CCDC125: variants seen among roughly 807,000 people sequenced by gnomAD.
CCDC125 encodes the protein coiled-coil domain-containing protein 125.
Under a neutral mutation model 57.4 loss-of-function variants are expected in CCDC125, and 43 were observed. The observed-to-expected ratio is 0.75, with a 90% confidence interval of 0.59 to 0.97. The LOEUF (loss-of-function observed/expected upper bound fraction) is 0.97. Among genes scored for constraint, CCDC125 ranks in the 50% least tolerant of loss-of-function variants. CCDC125 has a pLI of 0.00. For synonymous variants in CCDC125, 187 were observed against 195.2 expected, an observed-to-expected ratio of 0.96 and a Z score of 0.35; for missense variants, 563 against 595.7, an observed-to-expected ratio of 0.95 and a Z score of 0.57.
rs559095595 is a variant in CCDC125, at chr5:69,322,211, G to A, written c.-40-1631C>T. ...TGTTGCCCAGGCTGGTCTCCAACTC[G>A]TGGGCTCAAGTGATTCTCCCAGTTC... On this transcript the variant is annotated intron_variant, in intron 1 of 11. Coordinates refer to ENST00000396496, the MANE Select transcript of CCDC125 (RefSeq NM_176816.5). Among the ~76,000 whole-genome samples the A allele has an allele frequency of 3.3e-5, 5 of 151,556 alleles. No homozygotes were observed. In the East Asian group the frequency reaches 5.9e-4, roughly 18 times the overall value.
chr5:69,279,495 C>T (rs138118536), downstream of CCDC125, among the ~76,000 whole-genome samples: 3 of 152,290 alleles, frequency 2.0e-5, no homozygotes, highest in Middle Eastern at 3.4e-3. Context: ...CGTGCCCGGC[C>T]GCTCATGCAG....
chr5:69,304,907 A>T (rs1176889409), intron 6 of CCDC125, among the ~76,000 whole-genome samples: 1 of 152,194 alleles, frequency 6.6e-6, no homozygotes, highest in Admixed American at 6.6e-5. Flanking sequence ...TCGGGTAATA[A>T]TGATGTATCA....
downstream of CCDC125, chr5:69,277,154 T>C (rs748475019): frequency 2.6e-5 from 41 of 1,580,660 alleles, no homozygotes; most frequent in Non-Finnish European, 3.2e-5. Context: ...CTGGACAACA[T>C]TTTACTACTG....
intron 4 of CCDC125, 66 bp from the exon 5 acceptor site, chr5:69,308,094 G>T: frequency 9.0e-7 from 1 of 1,108,568 alleles, no homozygotes. Flanking sequence ...ACATCATGAA[G>T]TTCTCTTTTA....
At chr5:69,292,008 A>G (rs937718408) in intron 10 of CCDC125, among the ~76,000 whole-genome samples, 180 bp downstream of exon 10, 35 of 152,236 alleles carry the variant, frequency 2.3e-4, no homozygotes, top group African/African-American at 8.4e-4. Flanking sequence ...GTTCACCTGC[A>G]CATGTAATAT....
chr5:69,313,650 A>G, intron 3 of CCDC125: 1 of 745,494 alleles, frequency 1.3e-6, no homozygotes, highest in Non-Finnish European at 2.5e-6. Context: ...ATCCGGTAGC[A>G]TCTTGACAAA....
chr5:69,328,338 A>G (rs1452011074), intron 1 of CCDC125, among the ~76,000 whole-genome samples: 2 of 152,224 alleles, frequency 1.3e-5, no homozygotes. Flanking sequence ...CAATAAAGAA[A>G]TAGTTAAATC....
intron 5 of CCDC125, 196 bp downstream of exon 5, chr5:69,307,755 T>A: frequency 5.6e-6 from 3 of 531,998 alleles, no homozygotes; most frequent in Non-Finnish European, 6.7e-6. Context: ...CATGGGGAAA[T>A]AAAAATAACC....
At chr5:69,276,631 A>G (rs754114729), downstream of CCDC125, 3 of 1,614,164 alleles carry the variant, frequency 1.9e-6, no homozygotes, top group South Asian at 3.3e-5. Context: ...GAAACCTTAA[A>G]GGAGCAATCA....
chr5:69,299,360 C>T (rs1355204310), intron 8 of CCDC125, among the ~76,000 whole-genome samples: 1 of 152,164 alleles, frequency 6.6e-6, no homozygotes, highest in Non-Finnish European at 1.5e-5. Flanking sequence ...CCGCCCGCCT[C>T]GGCTTCCCAA....
chr5:69,292,442 A>T (rs1754609901), intron 9 of CCDC125, 80 bp from the exon 10 acceptor site: 9 of 1,027,362 alleles, frequency 8.8e-6, no homozygotes, highest in Non-Finnish European at 1.3e-5. Flanking sequence ...AAATTAACAT[A>T]TGCAATCTCA....
chr5:69,286,445 G>C (rs1165270868), intron 10 of CCDC125, among the ~76,000 whole-genome samples: 1 of 151,020 alleles, frequency 6.6e-6, no homozygotes, highest in East Asian at 1.9e-4. Flanking sequence ...TGTTAGCCAG[G>C]ATGGTCTCGA....
intron 1 of CCDC125, chr5:69,323,969 G>T (rs1203542830): frequency 6.6e-6 from 1 of 151,700 alleles, no homozygotes; most frequent in Non-Finnish European, 1.5e-5. Context: ...AAAAAAAAAA[G>T]TGGGGTGTGG....
rs1752644148 is a variant in CCDC125, at chr5:69,282,904, A to G, written c.1361T>C (p.Phe454Ser). 1.9e-6 allele frequency: 3 copies of G among 1,614,122 alleles called. No homozygotes were observed. The highest frequency in any genetic ancestry group is 2.5e-6 in the Non-Finnish European group (3 of 1,180,036). Residue 454 changes from phenylalanine to serine, a missense_variant, in exon 12 of 12, where the codon TTC becomes TCC. Coordinates refer to ENST00000396496, the MANE Select transcript of CCDC125 (RefSeq NM_176816.5). ...TGAAGTCTTACGCCAGGGGTTGTTG[A>G]AAGGGAAATTCTCTTTTATAGGATT... ...EKNPIKENFPFNNPWRKTSEF... is the reference protein window; with the variant it reads ...EKNPIKENFPSNNPWRKTSEF...
At chr5:69,330,584 A>C (rs1314297217) in intron 1 of CCDC125, among the ~76,000 whole-genome samples, 1 of 121,434 alleles carries the variant, frequency 8.2e-6, no homozygotes, top group Non-Finnish European at 1.8e-5. Flanking sequence ...ACAGAGCAAG[A>C]CTCCATCTAA....
chr5:69,319,477 G>T (rs1037278432), intron 2 of CCDC125, among the ~76,000 whole-genome samples: 1 of 150,354 alleles, frequency 6.7e-6, no homozygotes, highest in Non-Finnish European at 1.5e-5. Flanking sequence ...TATAAACATC[G>T]ACTACTTTTT....
intron 10 of CCDC125, among the ~76,000 whole-genome samples, chr5:69,290,638 T>C (rs1307627490): frequency 6.2e-5 from 9 of 145,816 alleles, no homozygotes; most frequent in Non-Finnish European, 1.2e-4. Flanking sequence ...TCTTTTTTTT[T>C]TTTTTTTGTT....
chr5:69,279,358 A>G (rs971220586), downstream of CCDC125, among the ~76,000 whole-genome samples: 13 of 151,792 alleles, frequency 8.6e-5, no homozygotes, highest in South Asian at 2.1e-4. Context: ...CACCACGCCC[A>G]GCTAATATTT....
At chr5:69,319,168 T>A (rs1210225001) in intron 2 of CCDC125, among the ~76,000 whole-genome samples, 1 of 152,158 alleles carries the variant, frequency 6.6e-6, no homozygotes, top group Admixed American at 6.6e-5. Context: ...CCTCAAGTGA[T>A]CCATCCGCCT....
Sources: allele counts gnomAD v4.1 joint callset (sites outside exome capture counted in the v4.1 genomes callset), GRCh38; gene constraint gnomAD v4.1.1; transcripts MANE v1.5; gene names NCBI Gene and HGNC (gene_info 2026-07-23, HGNC 2026-07-21).